Variants in GRIP1 observed in about 807,000 individuals in gnomAD.
GRIP1 encodes the protein glutamate receptor interacting protein 1.
GRIP1 carries 45 observed loss-of-function variants against 129.9 expected under a neutral mutation model. The observed-to-expected ratio is 0.35, with a 90% CI of 0.27 to 0.44. The LOEUF is 0.44. Ranked by LOEUF, GRIP1 falls within the 20% of genes least tolerant of loss-of-function variation. GRIP1 has a pLI of 1.00. For missense variants in GRIP1, 1,196 were observed against 1,396.8 expected, an observed-to-expected ratio of 0.86 and a Z score of 2.29; for synonymous variants, 530 against 520.8, an observed-to-expected ratio of 1.02 and a Z score of -0.24.
At chr12:66,682,483 T>C (rs1029189651), upstream of GRIP1, among the ~76,000 whole-genome samples, 1 of 152,172 alleles carries the variant, frequency 6.6e-6, no homozygotes, top group East Asian at 1.9e-4. Flanking sequence ...TGGGTTGTGG[T>C]GTATGGACAA....
At chr12:66,620,497 C>T (rs1267207204) in intron 1 of GRIP1, among the ~76,000 whole-genome samples, 2 of 152,066 alleles carry the variant, frequency 1.3e-5, no homozygotes, top group East Asian at 3.9e-4. Flanking sequence ...TCCACTCTCA[C>T]CTTCTGGACA....
At chr12:66,551,829 GC>G (rs2062149904) in intron 2 of GRIP1, among the ~76,000 whole-genome samples, 2 of 152,028 alleles carry the variant, frequency 1.3e-5, no homozygotes, top group Non-Finnish European at 2.9e-5. Flanking sequence ...CGATGGTCCT[GC>G]CTCAGCCTAC....
intron 11 of GRIP1, among the ~76,000 whole-genome samples, chr12:66,452,865 A>C (rs1018060250): frequency 6.6e-6 from 1 of 152,224 alleles, no homozygotes; most frequent in African/African-American, 2.4e-5. Flanking sequence ...CTTAAAAAAA[A>C]CAAAAAAACC....
upstream of GRIP1, chr12:66,804,235 A>T (rs1375976354): frequency 7.1e-6 from 3 of 419,612 alleles, no homozygotes; most frequent in Non-Finnish European, 1.5e-5. Flanking sequence ...GCACAGCAAC[A>T]GCCCAGCTGC....
At chr12:66,676,718 A>T (rs1413905640) in intron 1 of GRIP1, among the ~76,000 whole-genome samples, 1 of 152,236 alleles carries the variant, frequency 6.6e-6, no homozygotes, top group East Asian at 1.9e-4. Flanking sequence ...GGAGAATGGG[A>T]CAAGAAAGAA....
intron 1 of GRIP1, among the ~76,000 whole-genome samples, chr12:66,702,447 T>C (rs1330033365): frequency 6.6e-6 from 1 of 152,164 alleles, no homozygotes; most frequent in African/African-American, 2.4e-5. Context: ...GCTTTCAAGG[T>C]AATAGTTTTT....
In GRIP1 at chr12:66,604,981, A is replaced by G. The variant is rs568099282; in HGVS notation, c.56-8054T>C. Among the ~76,000 whole-genome samples, 3 of 151,124 alleles carry G rather than the reference A, an allele frequency of 2.0e-5. No individual in the cohort carries two copies. The South Asian group carries it at 6.3e-4, about 32-fold the overall frequency. The stretch of plus-strand genomic sequence containing the variant: ...TGAGTGGTAGGATTAATAGAAATCA[A>G]TAATACATTTGGAGTAATTAAGGTT... On this transcript the variant is annotated intron_variant, in intron 1 of 24. Transcript: ENST00000359742.
chr12:66,481,305 C>T (rs1343625898), intron 7 of GRIP1, among the ~76,000 whole-genome samples: 1 of 150,706 alleles, frequency 6.6e-6, no homozygotes, highest in African/African-American at 2.4e-5. Context: ...ACAGACACTT[C>T]TCAAAAGAAG....
At chr12:66,625,227 T>A (rs976992075) in intron 1 of GRIP1, among the ~76,000 whole-genome samples, 2 of 152,184 alleles carry the variant, frequency 1.3e-5, no homozygotes, top group African/African-American at 4.8e-5. Flanking sequence ...CATTTTGTTC[T>A]TAACCAATGT....
rs772475066 is a variant in GRIP1, at chr12:66,377,263, C to T, written c.2644G>A (p.Ala882Thr). The change falls in exon 21 of 25, where the codon GCA becomes ACA. Residue 882 changes from alanine to threonine, a missense_variant. Coordinates refer to ENST00000359742, the MANE Select transcript of GRIP1 (RefSeq NM_001366722.1). The part of the protein sequence containing the change: ...ASGFAGAADS[A>T]ETEQEENFWS... ...AAGTTCTCCTCTTGTTCTGTCTCTGCACTATCGGCAGCCCCTGCAAAACTG... is the reference window on the plus strand; with the variant it reads ...AAGTTCTCCTCTTGTTCTGTCTCTGTACTATCGGCAGCCCCTGCAAAACTG... 2 of 1,612,634 alleles carry T rather than the reference C, an allele frequency of 1.2e-6. No individual in the cohort carries two copies. Among genetic ancestry groups the T allele is most frequent in the South Asian group, 2.2e-5 (2 of 91,076 alleles).
chr12:66,368,889 CTACTAACAA>C (rs2055309186), intron 23 of GRIP1, among the ~76,000 whole-genome samples: 1 of 152,114 alleles, frequency 6.6e-6, no homozygotes, highest in Non-Finnish European at 1.5e-5. Context: ...GAGGGTGTGC[CTACTAACAA>C]ACATCCTGGA....
chr12:66,468,737 T>C (rs927686102), intron 7 of GRIP1, among the ~76,000 whole-genome samples: 1 of 151,846 alleles, frequency 6.6e-6, no homozygotes, highest in Non-Finnish European at 1.5e-5. Flanking sequence ...ATTTTTGTGG[T>C]TTTAATGTTC....
rs542094830 is a variant in GRIP1, at chr12:66,790,395, G to T, written c.-420+13658C>A. ...TCGTAAACTGTCAAGTATCTTTCCA[G>T]TAGGCCTAAATATTAATATACACTT... On this transcript the variant is annotated intron_variant, in intron 1 of 4. Transcript: ENST00000538373. Among the ~76,000 whole-genome samples the T allele has an allele frequency of 5.9e-5, 9 of 152,200 alleles. No individual in the cohort carries two copies. The South Asian group carries it at 1.5e-3, about 25-fold the overall frequency.
At chr12:66,753,822 T>A (rs1223403359) in intron 1 of GRIP1, among the ~76,000 whole-genome samples, 1 of 152,230 alleles carries the variant, frequency 6.6e-6, no homozygotes, top group Non-Finnish European at 1.5e-5. Context: ...CTGAAAGTGG[T>A]TAAATGACTG....
chr12:66,536,338 C>G (rs946280715), intron 4 of GRIP1, among the ~76,000 whole-genome samples: 2 of 152,186 alleles, frequency 1.3e-5, no homozygotes, highest in Non-Finnish European at 2.9e-5. Context: ...CTGTATCATT[C>G]AGAGAAAAAC....
chr12:67,003,015 A>G (rs2042574567), intron 1 of GRIP1, among the ~76,000 whole-genome samples: 1 of 152,126 alleles, frequency 6.6e-6, no homozygotes, highest in Non-Finnish European at 1.5e-5. Flanking sequence ...GTTCCTCTAC[A>G]CACGATATAT....
At chr12:66,774,857 T>C (rs1384188754) in intron 1 of GRIP1, among the ~76,000 whole-genome samples, 1 of 152,140 alleles carries the variant, frequency 6.6e-6, no homozygotes, top group African/African-American at 2.4e-5. Context: ...GAAAACAAAG[T>C]ATTCAAAGTT....
intron 2 of GRIP1, among the ~76,000 whole-genome samples, chr12:66,562,824 A>C (rs1204067760): frequency 6.6e-6 from 1 of 152,224 alleles, no homozygotes; most frequent in Non-Finnish European, 1.5e-5. Context: ...GTTGACTGGA[A>C]GCTTTACTGA....
chr12:66,457,783 G>A (rs1456080188), intron 9 of GRIP1, among the ~76,000 whole-genome samples: 3 of 152,156 alleles, frequency 2.0e-5, no homozygotes. Flanking sequence ...GATCACTGCG[G>A]GGTGAAGCAG....
Sources: gnomAD v4.1 joint callset for allele counts (sites outside exome capture counted in the v4.1 genomes callset) on GRCh38, gnomAD v4.1.1 for gene constraint, MANE v1.5 for transcripts, NCBI Gene and HGNC (gene_info 2026-07-23, HGNC 2026-07-21) for gene names.